Variants in CHD6 observed in about 807,000 individuals in gnomAD.
CHD6 encodes the protein ATP-dependent chromatin remodeler CHD6.
A neutral mutation model predicts 276.9 loss-of-function variants in CHD6; 50 were observed. The ratio of observed to expected loss-of-function variants is 0.18; its 90% confidence interval spans 0.14 to 0.23. CHD6 has a LOEUF of 0.23. CHD6 is among the 10% of genes least tolerant of loss of function. The pLI is 1.00. For synonymous variants in CHD6, 1,173 were observed against 1,229.3 expected, an observed-to-expected ratio of 0.95 and a Z score of 0.96; for missense variants, 2,564 against 3,365.8, an observed-to-expected ratio of 0.76 and a Z score of 5.89.
Position 41,412,262 on chromosome 20 carries a change from T to C in CHD6, c.7133A>G (p.Asn2378Ser), listed in dbSNP as rs1275534639. The change falls in exon 36 of 37, where the codon AAT (asparagine) becomes AGT (serine). Residue 2378 changes from asparagine (N) to serine (S), a missense_variant and splice_region_variant. Asn to Ser is a conservative substitution (Grantham distance 46). Coordinates refer to ENST00000373233, the MANE Select transcript of CHD6 (RefSeq NM_032221.5). ...CCTCTGCTTTGGTTTGTCTGAAAAA[T>C]TCTAGGATGAAAACGGAGACCAATA... The part of the protein sequence containing the change: ...YSLEVPGFGA[N>S]FSDKPKQRRP... 3 of 1,613,936 alleles carry C rather than the reference T, an allele frequency of 1.9e-6. No individual in the cohort carries two copies. Among genetic ancestry groups the C allele is most frequent in the Non-Finnish European group, 2.5e-6 (3 of 1,179,986 alleles).
chr20:41,562,026 T>C lies in CHD6; in HGVS notation c.-23-10666A>G, dbSNP rs563412234. Among the ~76,000 whole-genome samples the C allele has an allele frequency of 1.4e-3, 212 of 152,250 alleles. 1 individual carries two copies. The Middle Eastern group carries it at 0.02, about 15-fold the overall frequency. On this transcript the variant is annotated intron_variant, in intron 1 of 36. Transcript: ENST00000373233. ...TTTCTTCATAATTCCCTCCCTATTG[T>C]TTTCTTTTAATGGAACTCATGTTAC... is the stretch of plus-strand genomic sequence containing the variant.
At chr20:41,480,853 A>C (rs1179402979) in intron 16 of CHD6, among the ~76,000 whole-genome samples, 1 of 152,204 alleles carries the variant, frequency 6.6e-6, no homozygotes, top group East Asian at 1.9e-4. Context: ...TGCACATACA[A>C]CTTTAATGAA....
At chr20:41,492,793 C>G (rs759396706) in intron 10 of CHD6, among the ~76,000 whole-genome samples, 1 of 152,198 alleles carries the variant, frequency 6.6e-6, no homozygotes, top group African/African-American at 2.4e-5. Flanking sequence ...TGGTGGCACA[C>G]GCTTGTATTC....
intron 18 of CHD6, among the ~76,000 whole-genome samples, chr20:41,456,614 G>A (rs972637246): frequency 6.6e-6 from 1 of 152,142 alleles, no homozygotes; most frequent in Non-Finnish European, 1.5e-5. Flanking sequence ...TAGCTAAGAG[G>A]ATATGGAACA....
At chr20:41,496,394 C>T (rs4812518) in intron 8 of CHD6, among the ~76,000 whole-genome samples, 57,046 of 151,914 alleles carry the variant, frequency 0.38, 13,303 homozygotes, top group African/African-American at 0.64. Flanking sequence ...AGAACGTCTC[C>T]TGGGTGTTCA....
intron 12 of CHD6, 148 bp from the exon 13 acceptor site, chr20:41,488,752 A>T (rs114526710): frequency 5.9e-6 from 4 of 679,842 alleles, no homozygotes; most frequent in South Asian, 4.3e-5. Context: ...AAAAGAGAAT[A>T]TAAGAATTAA....
chr20:41,576,600 G>T (rs1424445461), intron 1 of CHD6, among the ~76,000 whole-genome samples: 1 of 152,206 alleles, frequency 6.6e-6, no homozygotes, highest in African/African-American at 2.4e-5. Flanking sequence ...CTTGAACCCA[G>T]GAGGCAGAGG....
Position 41,533,172 on chromosome 20 carries a change from C to T in CHD6, c.432G>A (p.Glu144=), listed in dbSNP as rs916647632. The T allele has an allele frequency of 4.3e-6, 7 of 1,614,030 alleles. No homozygotes were observed. Among genetic ancestry groups the T allele is most frequent in the Non-Finnish European group, 5.9e-6 (7 of 1,180,040 alleles). ...TCTTTGCCCCATCTTTTTGCTTCGG[C>T]TCCTTGTGCTCCTTGGCCTTCTTCG... The part of the protein sequence containing the change: ...KEPKKAKEHK[E]PKQKDGAKKA... Residue 144 remains glutamate, a synonymous_variant, in exon 3 of 37, where the codon GAG becomes GAA. Transcript: ENST00000373233.
chr20:41,578,688 G>A (rs1162033746), intron 1 of CHD6, among the ~76,000 whole-genome samples: 8 of 112,942 alleles, frequency 7.1e-5, no homozygotes, highest in South Asian at 5.4e-4. Context: ...GTGAGACTCC[G>A]TCTCAAAAAA....
intron 27 of CHD6, among the ~76,000 whole-genome samples, chr20:41,430,090 A>C (rs2047488377): frequency 6.6e-6 from 1 of 152,238 alleles, no homozygotes; most frequent in South Asian, 2.1e-4. Flanking sequence ...AGCGTGAAGC[A>C]GGGTGGGCAG....
chr20:41,472,990 G>A (rs959118754), intron 17 of CHD6: 5 of 202,912 alleles, frequency 2.5e-5, no homozygotes, highest in East Asian at 1.1e-4. Context: ...GAAAATGCCC[G>A]AATCGTCTAC....
At chr20:41,498,746 C>T (rs1353319534) in intron 6 of CHD6, among the ~76,000 whole-genome samples, 10 of 151,856 alleles carry the variant, frequency 6.6e-5, no homozygotes, top group South Asian at 2.1e-4. Context: ...AAAACCCCCA[C>T]GTTTCCATTA....
intron 15 of CHD6, among the ~76,000 whole-genome samples, chr20:41,483,940 G>C (rs2043353530): frequency 6.6e-6 from 1 of 152,158 alleles, no homozygotes; most frequent in Admixed American, 6.5e-5. Context: ...TAACTAGTTT[G>C]GTTAACTGTT....
At chr20:41,597,018 C>G (rs946519034) in intron 1 of CHD6, among the ~76,000 whole-genome samples, 60 of 152,004 alleles carry the variant, frequency 3.9e-4, no homozygotes, top group African/African-American at 1.3e-3. Flanking sequence ...CTTAAGCCCC[C>G]ACTCACTAGG....
At chr20:41,517,931 A>G (rs939045952) in intron 3 of CHD6, among the ~76,000 whole-genome samples, 6 of 152,264 alleles carry the variant, frequency 3.9e-5, no homozygotes, top group African/African-American at 1.4e-4. Context: ...AGTAAATGTA[A>G]AAACTTCAAA....
At chr20:41,410,555 G>T (rs1346452738) in intron 36 of CHD6, among the ~76,000 whole-genome samples, 2 of 152,196 alleles carry the variant, frequency 1.3e-5, no homozygotes, top group Non-Finnish European at 2.9e-5. Context: ...AGATACACGG[G>T]TGCCCCTGTT....
chr20:41,555,261 G>C (rs1317198549), intron 1 of CHD6, among the ~76,000 whole-genome samples: 1 of 138,790 alleles, frequency 7.2e-6, no homozygotes, highest in South Asian at 2.3e-4. Context: ...CCTCCTGGAC[G>C]GGGCGGCTGG....
chr20:41,606,090 T>C (rs2045824407), intron 1 of CHD6, among the ~76,000 whole-genome samples: 1 of 152,152 alleles, frequency 6.6e-6, no homozygotes, highest in Non-Finnish European at 1.5e-5. Context: ...TTCAAAGACT[T>C]ATCTCGGCCG....
chr20:41,574,474 C>G (rs1467013965), intron 1 of CHD6, among the ~76,000 whole-genome samples: 1 of 152,122 alleles, frequency 6.6e-6, no homozygotes, highest in African/African-American at 2.4e-5. Context: ...GTTCTGTATA[C>G]TCCTTAATTT....
Sources: gnomAD v4.1 joint callset for allele counts (sites outside exome capture counted in the v4.1 genomes callset) on GRCh38, gnomAD v4.1.1 for gene constraint, MANE v1.5 for transcripts, NCBI Gene and HGNC (gene_info 2026-07-23, HGNC 2026-07-21) for gene names.